PCIF1: variants seen among roughly 807,000 people sequenced by gnomAD.
The protein encoded by PCIF1 is phosphorylated CTD interacting factor 1, also known as mRNA (2'-O-methyladenosine-N(6)-)-methyltransferase.
A neutral mutation model predicts 86.9 loss-of-function variants in PCIF1; 12 were observed. The observed-to-expected ratio is 0.14, with a 90% confidence interval of 0.09 to 0.22. The LOEUF is 0.22. Among genes scored for constraint, PCIF1 ranks in the 10% least tolerant of loss-of-function variants. PCIF1 has a pLI of 1.00. For missense variants in PCIF1, 701 were observed against 951.1 expected, an observed-to-expected ratio of 0.74 and a Z score of 3.46; for synonymous variants, 397 against 372.0, an observed-to-expected ratio of 1.07 and a Z score of -0.77.
intron 2 of PCIF1, among the ~76,000 whole-genome samples, chr20:45,938,574 A>G (rs1409958629): frequency 6.6e-6 from 1 of 152,118 alleles, no homozygotes; most frequent in Non-Finnish European, 1.5e-5. Context: ...CGCAGTTCCT[A>G]TTTCTGGAAG....
rs748276366 is a variant in PCIF1, at chr20:45,943,075, C to T, written c.674-22C>T. ...GACTGCTTGATTAAATCCAGGCCTT[C>T]AGCAGCTCTCCTGTCCTGCAGGCAT... On this transcript the variant is annotated intron_variant, in intron 7 of 16. Coordinates refer to ENST00000372409, the MANE Select transcript of PCIF1 (RefSeq NM_022104.4). This position sits in a 1 kb window ranked among gnomAD's most constrained non-coding sequence, Gnocchi z 5.5. The T allele has an allele frequency of 1.2e-6, 2 of 1,610,014 alleles. No homozygotes were observed. The highest frequency in any genetic ancestry group is 3.4e-5 in the Admixed American group (2 of 59,700).
chr20:45,942,778 T>C (rs933167181), intron 7 of PCIF1, among the ~76,000 whole-genome samples: 20 of 138,006 alleles, frequency 1.4e-4, no homozygotes, highest in East Asian at 8.1e-4. Flanking sequence ...TTTTTTTTTT[T>C]TTTTTTTTTT....
At position 45,947,399 on chromosome 20, in the gene PCIF1, A is replaced by G. The variant is rs770966887; in HGVS notation, c.1844A>G (p.Glu615Gly). 3 of 1,614,000 alleles carry G rather than the reference A, an allele frequency of 1.9e-6. No individual in the cohort carries two copies. The highest frequency in any genetic ancestry group is 1.7e-6 in the Non-Finnish European group (2 of 1,180,022). ...KRHQLILPAF[E>G]HEYRSGSQHI... ...CACCAGTTGATCCTGCCTGCCTTTG[A>G]GCATGAGTACCGCAGTGGCTCCCAG... The change falls in exon 16 of 17, where the codon GAG becomes GGG. Residue 615 changes from glutamate (E) to glycine (G), a missense_variant. By Grantham distance (98) the Glu-to-Gly change is moderately conservative (BLOSUM62 -2). Around this residue, in one of 7 missense-constraint regions of PCIF1, gnomAD observed 174 missense variants for 206.9 expected, o/e 0.84. Transcript: ENST00000372409. This position sits in a 1 kb window ranked among gnomAD's most constrained non-coding sequence, Gnocchi z 5.4.
At position 45,947,230 on chromosome 20, in the gene PCIF1, T is replaced by C; in HGVS notation, c.1708-33T>C. ...GGATTGCCAGCCACCTGGGAGGTAG[T>C]CCCTGACATCCACCCTGTGTCCCCT... On this transcript the variant is annotated intron_variant, in intron 15 of 16. Coordinates refer to ENST00000372409, the MANE Select transcript of PCIF1 (RefSeq NM_022104.4). The surrounding 1 kb of genome is among the most constrained non-coding windows in gnomAD (Gnocchi z 5.4). 1 of 1,600,538 alleles carries C rather than the reference T, an allele frequency of 6.2e-7. No individual in the cohort carries two copies. Among genetic ancestry groups the C allele is most frequent in the South Asian group, 1.1e-5 (1 of 90,200 alleles).
Position 45,947,651 on chromosome 20 carries a change from G to A in PCIF1, c.2011G>A (p.Gly671Ser). Reference protein sequence around the residue: ...QELSAAYRQSGRSHSSGSSSS... With the variant: ...QELSAAYRQSSRSHSSGSSSS... ...GCTGAGTGCTGCCTACCGGCAGTCAGGCCGCAGCCACAGCTCTGGTTCTTC... is the reference window on the plus strand; with the variant it reads ...GCTGAGTGCTGCCTACCGGCAGTCAAGCCGCAGCCACAGCTCTGGTTCTTC... The change falls in exon 17 of 17, where the codon GGC (glycine) becomes AGC (serine). Residue 671 changes from glycine to serine, a missense_variant. Physicochemically the swap from Gly to Ser is moderately conservative, Grantham distance 56. This residue lies in a region of PCIF1 where 174 missense variants were observed against 206.9 expected (regional missense o/e 0.84). Coordinates refer to ENST00000372409, the MANE Select transcript of PCIF1 (RefSeq NM_022104.4). The surrounding 1 kb of genome is among the most constrained non-coding windows in gnomAD (Gnocchi z 5.4). The A allele has an allele frequency of 6.2e-7, 1 of 1,612,486 alleles. No homozygotes were observed. Among genetic ancestry groups the A allele is most frequent in the Non-Finnish European group, 8.5e-7 (1 of 1,179,902 alleles).
rs1416463497 is a variant in PCIF1, at chr20:45,940,590, G to A, written c.365G>A (p.Gly122Asp). The A allele has an allele frequency of 6.2e-7, 1 of 1,611,634 alleles. No individual in the cohort carries two copies. The highest frequency in any genetic ancestry group is 8.5e-7 in the Non-Finnish European group (1 of 1,178,886). ...KRQLSEEQPS[G>D]NGVKKPKIEI... ...CAGCTCTCGGAAGAGCAGCCAAGCG[G>A]CAATGGTGTGAAGAAGCCCAAGGTG... is the stretch of plus-strand genomic sequence containing the variant. The change falls in exon 5 of 17, where the codon GGC becomes GAC. Residue 122 changes from glycine to aspartate, a missense_variant. Around this residue, in one of 7 missense-constraint regions of PCIF1, gnomAD observed 125 missense variants for 126.8 expected, o/e 0.99. Transcript: ENST00000372409.
Position 45,945,763 on chromosome 20 carries a change from C to T in PCIF1, c.1221C>T (p.Val407=), listed in dbSNP as rs767627806. 8.7e-6 allele frequency: 14 copies of T among 1,613,974 alleles called. No individual in the cohort carries two copies. The highest frequency in any genetic ancestry group is 1.2e-5 in the Non-Finnish European group (14 of 1,180,048). ...CCCGCCTAGTGTACTGCTACCCAGT[C>T]CGGCTGGCTGTGTCTGCACCGCCCA... ...VEPRLVYCYP[V]RLAVSAPPMP... The change falls in exon 12 of 17, where the codon GTC becomes GTT. Residue 407 remains valine, a synonymous_variant. Coordinates refer to ENST00000372409, the MANE Select transcript of PCIF1 (RefSeq NM_022104.4).
intron 1 of PCIF1, 85 bp from the exon 2 acceptor site, chr20:45,937,333 C>G: frequency 5.0e-6 from 2 of 398,666 alleles, no homozygotes; most frequent in Non-Finnish European, 8.8e-6. Flanking sequence ...CTGGAGGCCC[C>G]CAACTTGCTC....
intron 7 of PCIF1, among the ~76,000 whole-genome samples, chr20:45,941,668 C>A (rs2145329338): frequency 6.6e-6 from 1 of 152,156 alleles, no homozygotes; most frequent in South Asian, 2.1e-4. Flanking sequence ...CGATGTTGGC[C>A]AGGCTGGTCC....
rs77441352 is a variant in PCIF1, at chr20:45,944,657, A to G, written c.1006-211A>G. ...GGGAAATGATCACATTTAATATTCAAACTGCCCTGTTAGGTATCTCGTGTC... is the reference window on the plus strand; with the variant it reads ...GGGAAATGATCACATTTAATATTCAGACTGCCCTGTTAGGTATCTCGTGTC... On this transcript the variant is annotated intron_variant, in intron 10 of 16. Transcript: ENST00000372409. 3.8e-3 allele frequency among the ~76,000 whole-genome samples: 573 copies of G among 152,372 alleles called. 2 individuals carry two copies. The highest frequency in any genetic ancestry group is 0.013 in the African/African-American group (544 of 41,590).
chr20:45,938,444 A>C (rs1366135656), intron 2 of PCIF1, among the ~76,000 whole-genome samples: 3 of 152,272 alleles, frequency 2.0e-5, no homozygotes, highest in East Asian at 3.9e-4. Context: ...TCGCTTCTCA[A>C]GGGCAGACCC....
At chr20:45,946,461 G>C in intron 14 of PCIF1, 77 bp downstream of exon 14, 1 of 1,511,232 alleles carries the variant, frequency 6.6e-7, no homozygotes, top group South Asian at 1.2e-5. Flanking sequence ...TCTGCTGGCT[G>C]TAGTGTCAGG....
chr20:45,941,286 G>T, intron 7 of PCIF1, 79 bp downstream of exon 7: 1 of 1,514,488 alleles, frequency 6.6e-7, no homozygotes, highest in Admixed American at 2.1e-5. Flanking sequence ...CCAGTTTGGG[G>T]ATGGCGGAGT....
Position 45,947,746 on chromosome 20 carries a change from C to T in PCIF1, c.2106C>T (p.His702=), listed in dbSNP as rs746986336. Residue 702 remains histidine (H), a synonymous_variant, in exon 17 of 17, where the codon CAC becomes CAT. Transcript: ENST00000372409. The surrounding 1 kb of genome is among the most constrained non-coding windows in gnomAD (Gnocchi z 5.4). ...AGCAGGGTCCTAGCCGCGAGCCTCA[C>T]CCCACTTAACATATCCTGCGGGGAG... The part of the protein sequence containing the change: ...GREQGPSREP[H]PT The T allele has an allele frequency of 6.3e-7, 1 of 1,598,128 alleles. No homozygotes were observed. The highest frequency in any genetic ancestry group is 8.5e-7 in the Non-Finnish European group (1 of 1,171,898).
Position 45,945,877 on chromosome 20 carries a change from C to T in PCIF1, c.1335C>T (p.Ser445=). The T allele has an allele frequency of 6.2e-7, 1 of 1,613,836 alleles. No homozygotes were observed. The highest frequency in any genetic ancestry group is 8.5e-7 in the Non-Finnish European group (1 of 1,180,016). Residue 445 remains serine, a synonymous_variant, in exon 12 of 17, where the codon AGC becomes AGT. Coordinates refer to ENST00000372409, the MANE Select transcript of PCIF1 (RefSeq NM_022104.4). ...EMVKVSRNYF[S]KLWLLYRYSC... ...TCAAGGTCAGCCGCAACTACTTCAG[C>T]AAGCTGGTAAGAGCTGCGGGGAGGA...
intron 7 of PCIF1, among the ~76,000 whole-genome samples, chr20:45,941,819 T>C (rs2083472495): frequency 6.6e-6 from 1 of 151,372 alleles, no homozygotes; most frequent in African/African-American, 2.4e-5. Flanking sequence ...ACTCCTGGGC[T>C]CAAGCCTTCT....
In PCIF1 at chr20:45,941,525, C is replaced by T. The variant is rs142962667; in HGVS notation, c.673+318C>T. ...CTGGAGTGCAGTGGCACCATCTCCG[C>T]TCACTGCATCATCCTCCTCCTGGGT... On this transcript the variant is annotated intron_variant, in intron 7 of 16. Transcript: ENST00000372409. Among the ~76,000 whole-genome samples, 146 of 152,324 alleles carry T rather than the reference C, an allele frequency of 9.6e-4. 1 individual carries two copies. The South Asian group carries it at 0.01, about 11-fold the overall frequency.
In PCIF1 at chr20:45,947,963, C is replaced by T. The variant is rs1460547927; in HGVS notation, c.*208C>T. The T allele has an allele frequency of 2.0e-6, 3 of 1,531,436 alleles. No homozygotes were observed. Among genetic ancestry groups the T allele is most frequent in the East Asian group, 4.9e-5 (2 of 40,742 alleles). 94.9% of individuals were successfully genotyped at this position (1,531,436 alleles called of 1,614,324 possible). A position where few individuals can be genotyped will look rare whatever the true frequency, so the allele number is the denominator to read the frequency against. On this transcript the variant is annotated 3_prime_UTR_variant, in exon 17 of 17. Transcript: ENST00000372409. This position sits in a 1 kb window ranked among gnomAD's most constrained non-coding sequence, Gnocchi z 5.4. The stretch of plus-strand genomic sequence containing the variant: ...GGTCCTGATGCCTTCCCAACCCCGC[C>T]CCTCACCCTGTTGCCACCTTGTTTC...
intron 12 of PCIF1, 37 bp from the exon 13 acceptor site, chr20:45,945,992 A>C (rs750798760): frequency 6.2e-7 from 1 of 1,612,908 alleles, no homozygotes; most frequent in African/African-American, 1.3e-5. Context: ...ATGAGGGAGC[A>C]CTGCTGAAGG....
Sources: allele counts gnomAD v4.1 joint callset (sites outside exome capture counted in the v4.1 genomes callset), GRCh38; gene constraint gnomAD v4.1.1; regional missense constraint gnomAD v4.1.1; non-coding constraint Gnocchi (gnomAD v3.1); transcripts MANE v1.5; gene names NCBI Gene and HGNC (gene_info 2026-07-23, HGNC 2026-07-21).